The following CHLSN variants were observed in gnomAD, a reference collection of about 807,000 sequenced individuals.
CHLSN encodes cholesin.
chr7:1,117,794 C>T, the CHLSN span, among the ~76,000 whole-genome samples: 1 of 152,118 alleles, frequency 6.6e-6, no homozygotes, highest in Non-Finnish European at 1.5e-5. Context: ...AGCATGACAT[C>T]GCTACGGCTC....
the CHLSN span, among the ~76,000 whole-genome samples, chr7:1,076,611 T>C: frequency 0.69 from 105,234 of 152,272 alleles, 37,973 homozygotes; most frequent in African/African-American, 0.91. Context: ...GAAAGGTCTA[T>C]GCTTTCAGTT....
At chr7:1,135,387 CTAGACA>C in the CHLSN span, among the ~76,000 whole-genome samples, 9 of 151,744 alleles carry the variant, frequency 5.9e-5, no homozygotes, top group Non-Finnish European at 1.3e-4. Context: ...ATATGTGTAC[CTAGACA>C]TATATACACA....
At chr7:986,763 G>A in the CHLSN span, 1 of 1,600,272 alleles carries the variant, frequency 6.2e-7, no homozygotes, top group Non-Finnish European at 8.5e-7. Context: ...GACCCCGTGT[G>A]CAGCTATGTG....
the CHLSN span, chr7:997,897 G>A: frequency 8.1e-7 from 1 of 1,238,214 alleles, no homozygotes; most frequent in Non-Finnish European, 1.1e-6. Context: ...GGACACCCGG[G>A]CCTCAGGCTT....
the CHLSN span, among the ~76,000 whole-genome samples, chr7:1,080,122 A>C: frequency 1.3e-5 from 2 of 152,250 alleles, no homozygotes; most frequent in South Asian, 4.1e-4. Flanking sequence ...TGCTGGCAGA[A>C]ACGCAAAACA....
At chr7:985,469 AG>A in the CHLSN span, 2 of 955,646 alleles carry the variant, frequency 2.1e-6, no homozygotes, top group Admixed American at 5.5e-5. Flanking sequence ...GGCCTGAATC[AG>A]GACCCATCCG....
chr7:1,021,099 G>A, the CHLSN span, among the ~76,000 whole-genome samples: 2 of 150,058 alleles, frequency 1.3e-5, no homozygotes, highest in African/African-American at 2.5e-5. Flanking sequence ...TGGGGACCTC[G>A]CAGCAGGGAA....
At chr7:1,002,060 G>T in the CHLSN span, among the ~76,000 whole-genome samples, 1 of 133,332 alleles carries the variant, frequency 7.5e-6, no homozygotes, top group Non-Finnish European at 1.6e-5. Context: ...TGCGGGTGGG[G>T]AGTCCTGTGG....
the CHLSN span, among the ~76,000 whole-genome samples, chr7:1,105,683 C>T: frequency 2.6e-5 from 4 of 152,104 alleles, no homozygotes; most frequent in African/African-American, 4.8e-5. Flanking sequence ...GGTGTGATCT[C>T]GGCTCACTGC....
the CHLSN span, among the ~76,000 whole-genome samples, chr7:1,019,820 G>T: frequency 1.8e-4 from 28 of 152,216 alleles, 1 homozygote; most frequent in African/African-American, 6.8e-4. Flanking sequence ...GGCTGCCTGG[G>T]GTCACCCACT....
At chr7:1,112,381 C>T in the CHLSN span, among the ~76,000 whole-genome samples, 4 of 152,224 alleles carry the variant, frequency 2.6e-5, no homozygotes, top group East Asian at 1.9e-4. Context: ...ACCTGCCCTG[C>T]GGCCCGGCCT....
chr7:991,151 C>T, the CHLSN span, among the ~76,000 whole-genome samples: 12 of 152,112 alleles, frequency 7.9e-5, no homozygotes, highest in Non-Finnish European at 1.3e-4. Flanking sequence ...CCTGTCCCGC[C>T]CCGCTTCATG....
chr7:1,093,087 C>G, the CHLSN span: 2 of 680,432 alleles, frequency 2.9e-6, no homozygotes, highest in Non-Finnish European at 5.5e-6. Context: ...CCAAAGCGCT[C>G]GCCCCGCAGG....
chr7:1,011,204 AG>A, the CHLSN span, among the ~76,000 whole-genome samples: 1 of 138,722 alleles, frequency 7.2e-6, no homozygotes, highest in Non-Finnish European at 1.5e-5. Context: ...CCACACCCAC[AG>A]ACACGGACAC....
the CHLSN span, among the ~76,000 whole-genome samples, chr7:1,048,705 T>G: frequency 1.3e-5 from 2 of 152,226 alleles, no homozygotes; most frequent in African/African-American, 4.8e-5. Flanking sequence ...AACGTCTCAC[T>G]TGAAATGCTC....
chr7:1,044,463 CG>C, the CHLSN span: 44,223 of 152,094 alleles, frequency 0.29, 7,544 homozygotes, highest in African/African-American at 0.47. Context: ...AGGGCGGGGC[CG>C]GGGGGCGGAG....
the CHLSN span, among the ~76,000 whole-genome samples, chr7:1,083,355 T>C: frequency 6.6e-6 from 1 of 152,096 alleles, no homozygotes; most frequent in East Asian, 1.9e-4. Context: ...CCGGGCGCGG[T>C]GGCTCAAGCC....
At chr7:1,034,589 T>C in the CHLSN span, among the ~76,000 whole-genome samples, 4 of 152,072 alleles carry the variant, frequency 2.6e-5, no homozygotes, top group Non-Finnish European at 5.9e-5. Context: ...ACCCAGGAGG[T>C]GCCCCATGTT....
chr7:1,078,973 C>G, the CHLSN span, among the ~76,000 whole-genome samples: 18 of 71,586 alleles, frequency 2.5e-4, 2 homozygotes, highest in African/African-American at 6.1e-4. Flanking sequence ...GCTGAGGAGG[C>G]AGCGAGGCAG....
Sources: allele counts gnomAD v4.1 joint callset (sites outside exome capture counted in the v4.1 genomes callset), GRCh38; gene constraint gnomAD v4.1.1; transcripts MANE v1.5; gene names NCBI Gene and HGNC (gene_info 2026-07-23, HGNC 2026-07-21).